Variants in SMIM19 observed in about 807,000 individuals in gnomAD.
SMIM19 encodes small integral membrane protein 19.
In SMIM19, 6 loss-of-function variants were observed where a neutral mutation model predicts 13.2. That is an observed-to-expected ratio of 0.45 (90% CI 0.25 to 0.90). The LOEUF is 0.90. Among genes scored for constraint, SMIM19 ranks in the 40% least tolerant of loss-of-function variants. The pLI, the probability that SMIM19 is intolerant of heterozygous loss-of-function variation, is 0.19. For synonymous variants in SMIM19, 46 were observed against 43.1 expected, an observed-to-expected ratio of 1.07 and a Z score of -0.27; for missense variants, 138 against 131.0, an observed-to-expected ratio of 1.05 and a Z score of -0.26.
intron 3 of SMIM19, among the ~76,000 whole-genome samples, chr8:42,552,143 G>T (rs1268001074): frequency 6.6e-6 from 1 of 152,080 alleles, no homozygotes; most frequent in African/African-American, 2.4e-5. Context: ...ACTTAGCGGG[G>T]TACAGTGGCT....
chr8:42,544,517 G>GCATCTAAATATATA (rs765636365), intron 1 of SMIM19, among the ~76,000 whole-genome samples: 5 of 151,522 alleles, frequency 3.3e-5, no homozygotes, highest in African/African-American at 1.2e-4. Flanking sequence ...ATAGTCTAGT[G>GCATCTAAATATATA]TTTAAACAAT....
Position 42,554,724 on chromosome 8 carries a change from G to C in SMIM19, c.*2116G>C, listed in dbSNP as rs1813771667. 6.6e-6 allele frequency: 1 copy of C among 152,254 alleles called. No individual in the cohort carries two copies. Among genetic ancestry groups the C allele is most frequent in the South Asian group, 2.1e-4 (1 of 4,838 alleles). 9.4% of individuals were successfully genotyped at this position (152,254 alleles called of 1,614,324 possible). A position where few individuals can be genotyped will look rare whatever the true frequency, so the allele number is the denominator to read the frequency against. ...CACTTCAAAGCGGCGCTGACTGGCT[G>C]TCCTGCTTCTACCCAACATCCACCT... On this transcript the variant is annotated 3_prime_UTR_variant, in exon 4 of 4. Coordinates refer to ENST00000417410, the MANE Select transcript of SMIM19 (RefSeq NM_001135674.2).
chr8:42,546,486 A>G lies in SMIM19; in HGVS notation c.14A>G (p.Tyr5Cys). The G allele has an allele frequency of 6.2e-7, 1 of 1,612,360 alleles. No homozygotes were observed. Among genetic ancestry groups the G allele is most frequent in the South Asian group, 1.1e-5 (1 of 90,546 alleles). The change falls in exon 2 of 4, where the codon TAT becomes TGT. Residue 5 changes from tyrosine (Y) to cysteine (C), a missense_variant. Physicochemically the swap from Tyr to Cys is radical, Grantham distance 194. Transcript: ENST00000417410. The part of the protein sequence containing the change: MAGG[Y>C]GVMGDDGSID... ...TCTTACAGCCCCATGGCTGGGGGTT[A>G]TGGAGTGATGGGTGACGATGGTTCT...
chr8:42,543,206 A>G (rs1375525389), intron 1 of SMIM19, among the ~76,000 whole-genome samples: 1 of 152,182 alleles, frequency 6.6e-6, no homozygotes, highest in East Asian at 1.9e-4. Context: ...GGTATGCAGT[A>G]AGCACGCAGC....
At position 42,546,553 on chromosome 8, in the gene SMIM19, T is replaced by C. The variant is rs758536154; in HGVS notation, c.81T>C (p.Asn27=). The C allele has an allele frequency of 1.2e-6, 2 of 1,614,154 alleles. No individual in the cohort carries two copies. The highest frequency in any genetic ancestry group is 8.5e-7 in the Non-Finnish European group (1 of 1,180,050). The change falls in exon 2 of 4, where the codon AAT becomes AAC. Residue 27 remains asparagine (N), a synonymous_variant. Coordinates refer to ENST00000417410, the MANE Select transcript of SMIM19 (RefSeq NM_001135674.2). The stretch of plus-strand genomic sequence containing the variant: ...ACGAAGCCTGGAATGAAGCCACCAA[T>C]GTTTACTTGATAGTTATCCTTGTTA... The part of the protein sequence containing the change: ...TVHEAWNEAT[N]VYLIVILVSF...
chr8:42,541,429 G>A (rs1475208872), upstream of SMIM19: 1 of 146,648 alleles, frequency 6.8e-6, no homozygotes, highest in Non-Finnish European at 1.5e-5. Flanking sequence ...CGCGGTAGGG[G>A]AAAGGAGCCC....
At chr8:42,542,408 T>C (rs1813277379) in intron 1 of SMIM19, 35 bp downstream of exon 1, 11 of 985,012 alleles carry the variant, frequency 1.1e-5, no homozygotes, top group Non-Finnish European at 1.3e-5. Flanking sequence ...ACCAAGCCTT[T>C]AGTGTTTCAG....
chr8:42,543,004 T>A (rs1813322175), intron 1 of SMIM19, among the ~76,000 whole-genome samples: 1 of 145,860 alleles, frequency 6.9e-6, no homozygotes, highest in Non-Finnish European at 1.5e-5. Context: ...AAAAAGTAGT[T>A]CTCATCCTAA....
In SMIM19 at chr8:42,541,881, C is replaced by G. The variant is rs1813225909; in HGVS notation, c.-497C>G. 1 of 152,104 alleles carries G rather than the reference C, an allele frequency of 6.6e-6. No individual in the cohort carries two copies. Among genetic ancestry groups the G allele is most frequent in the African/African-American group, 2.4e-5 (1 of 41,434 alleles). The allele number at this position is 152,104 out of a possible 1,614,324, so 9.4% of individuals were successfully genotyped here. A position where few individuals can be genotyped will look rare whatever the true frequency, so the allele number is the denominator to read the frequency against. ...GCACCCGCCCGGTCCCGGCGCGGAG[C>G]CCCTCGGCGTCGCGTGGAGCTGCGA... On this transcript the variant is annotated 5_prime_UTR_variant, in exon 1 of 4. Coordinates refer to ENST00000417410, the MANE Select transcript of SMIM19 (RefSeq NM_001135674.2).
At chr8:42,552,449 T>G in intron 3 of SMIM19, 95 bp from the exon 4 acceptor site, 174 of 1,311,696 alleles carry the variant, frequency 1.3e-4, no homozygotes, top group Non-Finnish European at 1.7e-4. Context: ...AATTCTTCAT[T>G]GAGAATCATG....
chr8:42,543,304 T>C (rs1295430332), intron 1 of SMIM19, among the ~76,000 whole-genome samples: 1 of 152,034 alleles, frequency 6.6e-6, no homozygotes, highest in Non-Finnish European at 1.5e-5. Flanking sequence ...GGGCTGTGGG[T>C]CTGTACTGTG....
chr8:42,544,026 A>G (rs1021928833), intron 1 of SMIM19, among the ~76,000 whole-genome samples: 2 of 151,968 alleles, frequency 1.3e-5, no homozygotes, highest in African/African-American at 4.9e-5. Flanking sequence ...TTCCATGTCT[A>G]AAGTAGGCTG....
At chr8:42,550,930 A>G (rs1348858639) in intron 3 of SMIM19, among the ~76,000 whole-genome samples, 1 of 152,208 alleles carries the variant, frequency 6.6e-6, no homozygotes, top group African/African-American at 2.4e-5. Flanking sequence ...TTTTAAATAG[A>G]AGACTCCCGA....
chr8:42,545,006 T>C (rs1399600495), intron 1 of SMIM19, among the ~76,000 whole-genome samples: 1 of 152,236 alleles, frequency 6.6e-6, no homozygotes, highest in Non-Finnish European at 1.5e-5. Flanking sequence ...AACAACTTTT[T>C]AGACTGTTTT....
chr8:42,542,761 A>T (rs1022331200), intron 1 of SMIM19, among the ~76,000 whole-genome samples: 1 of 151,720 alleles, frequency 6.6e-6, no homozygotes, highest in Admixed American at 6.6e-5. Context: ...AGGAGTTTTG[A>T]GACCAGCCTG....
chr8:42,548,257 T>C, intron 2 of SMIM19: 2 of 368,110 alleles, frequency 5.4e-6, no homozygotes. Flanking sequence ...TTCATTACTT[T>C]CCAAAATTAG....
At position 42,552,755 on chromosome 8, in the gene SMIM19, T is replaced by C; in HGVS notation, c.*147T>C. 3 of 938,376 alleles carry C rather than the reference T, an allele frequency of 3.2e-6. No homozygotes were observed. Among genetic ancestry groups the C allele is most frequent in the Non-Finnish European group, 1.6e-6 (1 of 636,020 alleles). 58.1% of individuals were successfully genotyped at this position (938,376 alleles called of 1,614,324 possible). On this transcript the variant is annotated 3_prime_UTR_variant, in exon 4 of 4. Coordinates refer to ENST00000417410, the MANE Select transcript of SMIM19 (RefSeq NM_001135674.2). ...AATTGTTCTGTGCATTGTTTTGCCT[T>C]TTTAAATTACATCTCCAAGTGGCTC...
chr8:42,547,721 C>T (rs1813536215), intron 2 of SMIM19, among the ~76,000 whole-genome samples: 2 of 152,106 alleles, frequency 1.3e-5, no homozygotes, highest in African/African-American at 4.8e-5. Context: ...CTTGGTGTGC[C>T]ATATAGTGTA....
chr8:42,548,565 T>C (rs1813562482), intron 2 of SMIM19, 91 bp from the exon 3 acceptor site: 1 of 1,545,872 alleles, frequency 6.5e-7, no homozygotes, highest in East Asian at 2.3e-5. Flanking sequence ...TAAGTCCTTT[T>C]ACCACAGCTT....
Sources: allele counts gnomAD v4.1 joint callset (sites outside exome capture counted in the v4.1 genomes callset), GRCh38; gene constraint gnomAD v4.1.1; transcripts MANE v1.5; gene names NCBI Gene and HGNC (gene_info 2026-07-23, HGNC 2026-07-21).